MYRIP: variants seen among roughly 807,000 people sequenced by gnomAD.
The protein encoded by MYRIP is myosin VIIA and Rab interacting protein, also known as rab effector MyRIP.
A neutral mutation model predicts 98.0 loss-of-function variants in MYRIP; 49 were observed. The observed-to-expected ratio is 0.50, with a 90% CI of 0.40 to 0.63. The LOEUF is 0.63. Ranked by LOEUF, MYRIP falls within the 30% of genes least tolerant of loss-of-function variation. The probability of loss-of-function intolerance (pLI) is 0.00; values close to 1 mark genes in which losing one functional copy is unlikely to be tolerated. For synonymous variants in MYRIP, 404 were observed against 409.5 expected (o/e 0.99, Z 0.16); for missense variants, 1,004 against 1,058.2 (o/e 0.95, Z 0.71).
rs1234703174 is a variant in MYRIP at position 40,251,909 on chromosome 3, T to A, written c.2457T>A (p.Thr819=). Residue 819 remains threonine (T), a synonymous_variant, in exon 16 of 17, where the codon ACT becomes ACA. Coordinates refer to ENST00000302541, the MANE Select transcript of MYRIP (RefSeq NM_015460.4). Reference sequence around the variant, plus strand: ...AAAAAATTGAGACATCTTCAGTGACTACCATTAAAACATTTAACCACAACT... The same window carrying A: ...AAAAAATTGAGACATCTTCAGTGACAACCATTAAAACATTTAACCACAACT... ...KAEKIETSSV[T]TIKTFNHNFI... The A allele has an allele frequency of 6.2e-7, 1 of 1,613,538 alleles. No individual in the cohort carries two copies. The highest frequency in any genetic ancestry group is 8.5e-7 in the Non-Finnish European group (1 of 1,179,486).
intron 1 of MYRIP, among the ~76,000 whole-genome samples, chr3:39,880,111 G>T (rs1367626957): frequency 2.0e-5 from 3 of 151,846 alleles, no homozygotes; most frequent in African/African-American, 4.8e-5. Context: ...CAACGTGCAG[G>T]TTTGTTACAT....
chr3:39,984,774 C>T (rs1457734246), intron 2 of MYRIP, among the ~76,000 whole-genome samples: 2 of 151,784 alleles, frequency 1.3e-5, no homozygotes, highest in South Asian at 2.1e-4. Context: ...ATGGTATTTC[C>T]AGTTCTAGAT....
rs551891243 is a variant in MYRIP, at chr3:40,111,680, C to A, written c.333-39368C>A. ...GCTTGTGGGCTCTGAGTCCCCAGTC[C>A]ACACCTCGATAAGATGGTTCAGCTT... On this transcript the variant is annotated intron_variant, in intron 3 of 16. Coordinates refer to ENST00000302541, the MANE Select transcript of MYRIP (RefSeq NM_015460.4). Among the ~76,000 whole-genome samples the A allele has an allele frequency of 7.5e-4, 114 of 152,030 alleles. 1 individual carries two copies. The South Asian group carries it at 0.024, about 32-fold the overall frequency.
chr3:39,829,540 G>A (rs1377323628), intron 1 of MYRIP, among the ~76,000 whole-genome samples: 1 of 152,162 alleles, frequency 6.6e-6, no homozygotes, highest in Admixed American at 6.5e-5. Flanking sequence ...GGCTGTGAGA[G>A]GTTGTGGTGA....
intron 13 of MYRIP, among the ~76,000 whole-genome samples, chr3:40,246,967 TA>T (rs956083301): frequency 7.3e-5 from 11 of 151,484 alleles, no homozygotes; most frequent in Admixed American, 3.9e-4. Flanking sequence ...GCAATTCTCC[TA>T]AAAAAAAATT....
At chr3:39,995,001 A>C (rs371285352) in intron 2 of MYRIP, among the ~76,000 whole-genome samples, 2 of 152,134 alleles carry the variant, frequency 1.3e-5, no homozygotes, top group Admixed American at 6.5e-5. Context: ...GGAAAACTAA[A>C]AAACAGAAAG....
chr3:40,240,119 T>C (rs1311893373), intron 12 of MYRIP, among the ~76,000 whole-genome samples: 8 of 146,518 alleles, frequency 5.5e-5, no homozygotes, highest in Non-Finnish European at 8.9e-5. Context: ...TTCAGCTTTC[T>C]ACATATGGCT....
chr3:40,210,189 A>G lies in MYRIP; in HGVS notation c.1905+96A>G, dbSNP rs1311475141. Reference sequence around the variant, plus strand: ...TGGTGCAGAAAGCTGCTGGGTCCCCAAAGAGCTCTCTCTAAAATGCCCATC... The same window carrying G: ...TGGTGCAGAAAGCTGCTGGGTCCCCGAAGAGCTCTCTCTAAAATGCCCATC... On this transcript the variant is annotated intron_variant, in intron 11 of 16. Transcript: ENST00000302541. The G allele has an allele frequency of 2.1e-6, 3 of 1,441,996 alleles. No homozygotes were observed. The African/African-American group carries it at 4.3e-5, about 21-fold the overall frequency. The allele number at this position is 1,441,996 out of a possible 1,614,324, so 89.3% of individuals were successfully genotyped here.
intron 3 of MYRIP, among the ~76,000 whole-genome samples, chr3:40,129,245 T>A (rs946352161): frequency 6.6e-6 from 1 of 151,444 alleles, no homozygotes; most frequent in African/African-American, 2.4e-5. Flanking sequence ...AAGACTAGCC[T>A]GGCCAACATG....
intron 1 of MYRIP, among the ~76,000 whole-genome samples, chr3:39,876,379 T>G (rs1942995840): frequency 6.6e-6 from 1 of 152,242 alleles, no homozygotes; most frequent in Non-Finnish European, 1.5e-5. Flanking sequence ...TTTGATCCTG[T>G]CATTATGATG....
At chr3:40,060,596 T>TGAGAGA (rs35495297) in intron 3 of MYRIP, among the ~76,000 whole-genome samples, 1,679 of 138,872 alleles carry the variant, frequency 0.012, 34 homozygotes, top group African/African-American at 0.041. Context: ...TTTCTTTTTT[T>TGAGAGA]GAGAGAGAGA....
At chr3:39,974,219 A>G (rs188257823) in intron 2 of MYRIP, among the ~76,000 whole-genome samples, 1 of 152,320 alleles carries the variant, frequency 6.6e-6, no homozygotes, top group East Asian at 1.9e-4. Context: ...TAAAGGGGAT[A>G]TCACCACCGA....
chr3:40,127,315 A>C (rs2125915517), intron 3 of MYRIP, among the ~76,000 whole-genome samples: 1 of 152,266 alleles, frequency 6.6e-6, no homozygotes, highest in Non-Finnish European at 1.5e-5. Context: ...TTTGCAGGTA[A>C]GGAACAGGGC....
intron 2 of MYRIP, among the ~76,000 whole-genome samples, chr3:39,967,143 T>C (rs9985399): frequency 0.19 from 28,360 of 152,162 alleles, 5,068 homozygotes; most frequent in African/African-American, 0.46. Flanking sequence ...TTGGCGTATA[T>C]GTGAAAGTTT....
chr3:40,207,185 CA>C (rs1437770161), intron 10 of MYRIP, among the ~76,000 whole-genome samples: 2 of 152,188 alleles, frequency 1.3e-5, no homozygotes, highest in Non-Finnish European at 2.9e-5. Flanking sequence ...CCTGGCTCCC[CA>C]CTCTCTCCAC....
At chr3:39,818,904 A>C (rs1455482514) in intron 1 of MYRIP, among the ~76,000 whole-genome samples, 1 of 152,236 alleles carries the variant, frequency 6.6e-6, no homozygotes, top group Non-Finnish European at 1.5e-5. Flanking sequence ...GGAAGAACAA[A>C]GATGTTAAAG....
chr3:40,028,372 C>T (rs1272915091), intron 2 of MYRIP, among the ~76,000 whole-genome samples: 1 of 152,112 alleles, frequency 6.6e-6, no homozygotes, highest in Non-Finnish European at 1.5e-5. Context: ...CCCCTGTTAC[C>T]CAGTGCTCAA....
chr3:39,839,677 A>G (rs1941736728), intron 1 of MYRIP, among the ~76,000 whole-genome samples: 5 of 152,058 alleles, frequency 3.3e-5, no homozygotes, highest in African/African-American at 9.7e-5. Flanking sequence ...TTTCCGGTAC[A>G]TTGTGTCTTT....
intron 2 of MYRIP, among the ~76,000 whole-genome samples, chr3:40,039,711 T>G (rs1232031553): frequency 9.4e-6 from 1 of 105,912 alleles, no homozygotes; most frequent in Non-Finnish European, 2.0e-5. Flanking sequence ...GGAAAGTTTG[T>G]ACTTACTGTT....
Sources: allele counts gnomAD v4.1 joint callset (sites outside exome capture counted in the v4.1 genomes callset), GRCh38; gene constraint gnomAD v4.1.1; transcripts MANE v1.5; gene names NCBI Gene and HGNC (gene_info 2026-07-23, HGNC 2026-07-21).